SYNDIG1L: variants seen among roughly 807,000 people sequenced by gnomAD.
The protein encoded by SYNDIG1L is synapse differentiation inducing 1 like, also known as synapse differentiation-inducing gene protein 1-like.
In SYNDIG1L, 13 loss-of-function variants were observed where a neutral mutation model predicts 20.1. That is an observed-to-expected ratio of 0.65 (90% confidence interval 0.42 to 1.03). The LOEUF is 1.03. Ranked by LOEUF, SYNDIG1L falls within the 50% of genes least tolerant of loss-of-function variation. SYNDIG1L has a pLI of 0.00. For missense variants in SYNDIG1L, 294 were observed against 305.1 expected (o/e 0.96, Z 0.27); for synonymous variants, 128 against 129.3 (o/e 0.99, Z 0.07).
chr14:74,468,161 CT>C, the SYNDIG1L span, among the ~76,000 whole-genome samples: 10 of 152,136 alleles, frequency 6.6e-5, no homozygotes, highest in Non-Finnish European at 1.5e-5. Flanking sequence ...CTTTAGCCCC[CT>C]GTGCCTCCAT....
chr14:74,477,070 A>G, the SYNDIG1L span, among the ~76,000 whole-genome samples: 51,268 of 120,902 alleles, frequency 0.42, 11,591 homozygotes, highest in South Asian at 0.5. Context: ...ACACACACAC[A>G]CACACACACA....
At chr14:74,436,071 G>A in the SYNDIG1L span, among the ~76,000 whole-genome samples, 1 of 152,134 alleles carries the variant, frequency 6.6e-6, no homozygotes, top group Non-Finnish European at 1.5e-5. Context: ...GATACAAAGA[G>A]ATATGAGATA....
At chr14:74,437,504 A>T in the SYNDIG1L span, among the ~76,000 whole-genome samples, 2 of 152,232 alleles carry the variant, frequency 1.3e-5, no homozygotes, top group African/African-American at 2.4e-5. Context: ...TGGCTAGACA[A>T]CACAGAACAT....
the SYNDIG1L span, among the ~76,000 whole-genome samples, chr14:74,455,174 C>G: frequency 1.3e-5 from 2 of 152,198 alleles, no homozygotes; most frequent in African/African-American, 4.8e-5. Flanking sequence ...TTCACAACCA[C>G]GTGAACCAAT....
Position 74,409,769 on chromosome 14 carries a change from G to C in SYNDIG1L, c.-25C>G, listed in dbSNP as rs992872635. On this transcript the variant is annotated 5_prime_UTR_variant, in exon 2 of 4. Transcript: ENST00000331628. ...TGGTTCTGGGGCAGCTGCTGGGGAG[G>C]GGGGCCTGGGCCAGCTGAGCAGTCC... 1.4e-6 allele frequency: 2 copies of C among 1,414,942 alleles called. No individual in the cohort carries two copies. The highest frequency in any genetic ancestry group is 1.9e-6 in the Non-Finnish European group (2 of 1,080,460). The allele number at this position is 1,414,942 out of a possible 1,614,324, so 87.6% of individuals were successfully genotyped here. A position where few individuals can be genotyped will look rare whatever the true frequency, so the allele number is the denominator to read the frequency against.
the SYNDIG1L span, among the ~76,000 whole-genome samples, chr14:74,445,009 C>G: frequency 1.3e-5 from 2 of 152,108 alleles, no homozygotes; most frequent in Admixed American, 1.3e-4. Context: ...ATGTGATCCC[C>G]AGTGTTGGAG....
Position 74,406,010 on chromosome 14 carries a change from G to A in SYNDIG1L, c.*1525C>T, listed in dbSNP as rs2086075571. On this transcript the variant is annotated 3_prime_UTR_variant, in exon 4 of 4. Coordinates refer to ENST00000331628, the MANE Select transcript of SYNDIG1L (RefSeq NM_001105579.2). ...GTGCCCGAGGCAGGGGAGGACAGTG[G>A]GACAAGGGATGCTCAGTGGTGGAGC... is the stretch of plus-strand genomic sequence containing the variant. 2.5e-6 allele frequency: 1 copy of A among 398,972 alleles called. No homozygotes were observed. Among genetic ancestry groups the A allele is most frequent in the Admixed American group, 4.4e-5 (1 of 22,742 alleles). 24.7% of individuals were successfully genotyped at this position (398,972 alleles called of 1,614,324 possible).
At chr14:74,449,438 CAAAAAAAAA>C in the SYNDIG1L span, among the ~76,000 whole-genome samples, 9 of 34,016 alleles carry the variant, frequency 2.6e-4, no homozygotes, top group Admixed American at 3.8e-4. Flanking sequence ...CCTGTCTTTA[CAAAAAAAAA>C]AAAAAAAAAA....
the SYNDIG1L span, among the ~76,000 whole-genome samples, chr14:74,455,394 C>CTTT: frequency 3.9e-4 from 48 of 123,732 alleles, 1 homozygote; most frequent in African/African-American, 1.2e-3. Context: ...CTTCCCCAAT[C>CTTT]TTTTTTTTTT....
chr14:74,458,493 G>C, the SYNDIG1L span, among the ~76,000 whole-genome samples: 168 of 151,946 alleles, frequency 1.1e-3, no homozygotes, highest in African/African-American at 3.7e-3. Context: ...GTGGTGGCAG[G>C]TGCCTGTAAT....
chr14:74,451,933 T>G, the SYNDIG1L span, among the ~76,000 whole-genome samples: 1 of 134,824 alleles, frequency 7.4e-6, no homozygotes, highest in Non-Finnish European at 1.5e-5. Context: ...GAGGTTGCAG[T>G]GAGCCGAGAC....
the SYNDIG1L span, among the ~76,000 whole-genome samples, chr14:74,432,360 T>A: frequency 6.6e-6 from 1 of 152,146 alleles, no homozygotes; most frequent in African/African-American, 2.4e-5. Context: ...GAAGCCTTCA[T>A]CCCATCTCTC....
upstream of SYNDIG1L, among the ~76,000 whole-genome samples, chr14:74,426,589 A>G (rs1381085432): frequency 6.6e-6 from 1 of 152,204 alleles, no homozygotes; most frequent in African/African-American, 2.4e-5. Context: ...AACAGAAAGC[A>G]TTTATTGAGC....
the SYNDIG1L span, among the ~76,000 whole-genome samples, chr14:74,451,729 T>C: frequency 8.5e-5 from 13 of 152,236 alleles, no homozygotes; most frequent in East Asian, 2.5e-3. Flanking sequence ...CGGTGGCTCA[T>C]GCCTGTAATC....
At chr14:74,452,559 G>C in the SYNDIG1L span, among the ~76,000 whole-genome samples, 1 of 152,202 alleles carries the variant, frequency 6.6e-6, no homozygotes, top group Non-Finnish European at 1.5e-5. Flanking sequence ...CAGCCATGTG[G>C]AACTGTAAGT....
the SYNDIG1L span, among the ~76,000 whole-genome samples, chr14:74,478,800 G>A: frequency 6.6e-6 from 1 of 152,192 alleles, no homozygotes; most frequent in African/African-American, 2.4e-5. Flanking sequence ...CAGAGTGACA[G>A]CTAACATTTA....
At chr14:74,423,054 C>T (rs552757013) in intron 1 of SYNDIG1L, among the ~76,000 whole-genome samples, 1 of 152,102 alleles carries the variant, frequency 6.6e-6, no homozygotes, top group Admixed American at 6.5e-5. Flanking sequence ...CAGCAGCCCC[C>T]CCGCCCCCAA....
intron 1 of SYNDIG1L, among the ~76,000 whole-genome samples, chr14:74,424,884 T>C (rs1378423373): frequency 6.6e-6 from 1 of 152,052 alleles, no homozygotes; most frequent in African/African-American, 2.4e-5. Flanking sequence ...TTATCCCCAC[T>C]CCAGGGGTGA....
chr14:74,418,128 C>T (rs548524878), intron 1 of SYNDIG1L, among the ~76,000 whole-genome samples: 1 of 152,350 alleles, frequency 6.6e-6, no homozygotes, highest in African/African-American at 2.4e-5. Flanking sequence ...CATGTATAAA[C>T]TGTTCTGTAA....
Sources: gnomAD v4.1 joint callset for allele counts (sites outside exome capture counted in the v4.1 genomes callset) on GRCh38, gnomAD v4.1.1 for gene constraint, MANE v1.5 for transcripts, NCBI Gene and HGNC (gene_info 2026-07-23, HGNC 2026-07-21) for gene names.